MAP1B: variants seen among roughly 807,000 people sequenced by gnomAD.
MAP1B encodes microtubule associated protein 1B.
In MAP1B, 12 loss-of-function variants were observed where a neutral mutation model predicts 176.1. That is an observed-to-expected ratio of 0.07 (90% CI 0.04 to 0.11). The LOEUF is 0.11. Ranked by LOEUF, MAP1B falls within the 10% of genes least tolerant of loss-of-function variation. The pLI is 1.00. For missense variants in MAP1B, 2,523 were observed against 2,990.5 expected (o/e 0.84, Z 3.65); for synonymous variants, 1,044 against 1,135.0 (o/e 0.92, Z 1.61).
intron 2 of MAP1B, among the ~76,000 whole-genome samples, chr5:72,172,363 AG>A: frequency 6.6e-6 from 1 of 152,162 alleles, no homozygotes; most frequent in East Asian, 1.9e-4. Flanking sequence ...CAACTTTCTG[AG>A]GGATGGAAAT....
chr5:72,193,815 A>C (rs770360429), intron 4 of MAP1B, 51 bp from the exon 5 acceptor site: 2 of 1,517,892 alleles, frequency 1.3e-6, no homozygotes, highest in Non-Finnish European at 1.8e-6. Flanking sequence ...TGGATCAGTG[A>C]TGATAATCAC....
Position 72,195,516 on chromosome 5 carries a change from G to A in MAP1B, c.2161G>A (p.Val721Met), listed in dbSNP as rs1747138196. 11 of 1,502,594 alleles carry A rather than the reference G, an allele frequency of 7.3e-6. No homozygotes were observed. The highest frequency in any genetic ancestry group is 1.4e-5 in the African/African-American group (1 of 70,022). The allele number at this position is 1,502,594 out of a possible 1,614,324, so 93.1% of individuals were successfully genotyped here. ...KEVKKEEKKE[V>M]KKEEKEPKKE... ...AGTTAAGAAGGAAGAGAAGAAGGAA[G>A]TGAAAAAGGAAGAAAAGGAACCCAA... Residue 721 changes from valine (V) to methionine (M), a missense_variant, in exon 5 of 7, where the codon GTG (valine) becomes ATG (methionine). Transcript: ENST00000296755.
intron 2 of MAP1B, among the ~76,000 whole-genome samples, chr5:72,163,930 C>CTTTTTTT (rs869167918): frequency 5.7e-4 from 25 of 43,696 alleles, no homozygotes; most frequent in African/African-American, 1.4e-3. Context: ...TTTTTTTTTT[C>CTTTTTTT]TTTTTTTTTT....
intron 2 of MAP1B, among the ~76,000 whole-genome samples, chr5:72,143,849 G>A: frequency 6.6e-6 from 1 of 151,930 alleles, no homozygotes; most frequent in Non-Finnish European, 1.5e-5. Context: ...ATCATGCCCA[G>A]CTAATTTATT....
intron 2 of MAP1B, among the ~76,000 whole-genome samples, chr5:72,138,555 A>T (rs1233029819): frequency 6.6e-6 from 1 of 152,208 alleles, no homozygotes; most frequent in Non-Finnish European, 1.5e-5. Flanking sequence ...TGCACAAAAA[A>T]TGTTATGTAA....
At chr5:72,108,160 GC>G (rs1745157902) in intron 1 of MAP1B, among the ~76,000 whole-genome samples, 1 of 152,186 alleles carries the variant, frequency 6.6e-6, no homozygotes, top group Admixed American at 6.5e-5. Flanking sequence ...ATGTGCCAGG[GC>G]CCGCGTGGGA....
chr5:72,203,558 C>A lies in MAP1B; in HGVS notation c.7013-5C>A, dbSNP rs1184444743. 6.2e-7 allele frequency: 1 copy of A among 1,608,664 alleles called. No individual in the cohort carries two copies. Among genetic ancestry groups the A allele is most frequent in the Non-Finnish European group, 8.5e-7 (1 of 1,175,112 alleles). Reference sequence around the variant, plus strand: ...CCTTGCTTTGTCTTTGTTTATTTACCCAAGGACCAGGAACTACCAAGACGA... The same window carrying A: ...CCTTGCTTTGTCTTTGTTTATTTACACAAGGACCAGGAACTACCAAGACGA... On this transcript the variant is annotated splice_region_variant and splice_polypyrimidine_tract_variant and intron_variant, in intron 5 of 6. Coordinates refer to ENST00000296755, the MANE Select transcript of MAP1B (RefSeq NM_005909.5).
At position 72,194,087 on chromosome 5, in the gene MAP1B, C is replaced by A. The variant is rs774022798; in HGVS notation, c.732C>A (p.Asp244Glu). 16 of 1,614,128 alleles carry A rather than the reference C, an allele frequency of 9.9e-6. No individual in the cohort carries two copies. The highest frequency in any genetic ancestry group is 1.4e-5 in the Non-Finnish European group (16 of 1,180,050). ...SESVEVPSPF[D>E]ILEPPTSGGF... ...CAGTGGAAGTCCCATCTCCCTTTGA[C>A]ATCTTGGAACCTCCCACATCGGGTG... Residue 244 changes from aspartate to glutamate, a missense_variant, in exon 5 of 7, where the codon GAC becomes GAA. By Grantham distance (45) the Asp-to-Glu change is conservative (BLOSUM62 2). This residue lies in a region of MAP1B where 307 missense variants were observed against 438.4 expected (regional missense o/e 0.70). Transcript: ENST00000296755. This position sits in a 1 kb window ranked among gnomAD's most constrained non-coding sequence, Gnocchi z 7.2.
intron 4 of MAP1B, among the ~76,000 whole-genome samples, chr5:72,192,686 T>G (rs1747049297): frequency 1.3e-5 from 2 of 152,210 alleles, no homozygotes. Flanking sequence ...AAACCTTGGC[T>G]TTACCCCTTG....
intron 1 of MAP1B, among the ~76,000 whole-genome samples, chr5:72,111,785 ATAAC>A (rs1448419813): frequency 1.3e-5 from 2 of 152,192 alleles, no homozygotes; most frequent in Non-Finnish European, 2.9e-5. Context: ...AAAATAAGTT[ATAAC>A]TTTTTAGACA....
At chr5:72,119,460 A>C (rs1452600286) in intron 2 of MAP1B, among the ~76,000 whole-genome samples, 2 of 152,210 alleles carry the variant, frequency 1.3e-5, no homozygotes, top group Non-Finnish European at 2.9e-5. Context: ...ACTCAAAGGA[A>C]AGTTCAGTAG....
At chr5:72,160,874 G>T (rs552308893) in intron 2 of MAP1B, among the ~76,000 whole-genome samples, 5 of 152,156 alleles carry the variant, frequency 3.3e-5, no homozygotes, top group African/African-American at 1.2e-4. Context: ...TTGGTCAGGG[G>T]CCTCAAAGTG....
chr5:72,196,029 C>A lies in MAP1B; in HGVS notation c.2674C>A (p.Pro892Thr), dbSNP rs1747156462. The A allele has an allele frequency of 1.2e-6, 2 of 1,614,176 alleles. No individual in the cohort carries two copies. Among genetic ancestry groups the A allele is most frequent in the Non-Finnish European group, 1.7e-6 (2 of 1,180,030 alleles). ...REVTKGPAESPDEGITTTEGE... is the reference protein window; with the variant it reads ...REVTKGPAESTDEGITTTEGE... ...AGTCACCAAAGGTCCTGCCGAGTCC[C>A]CTGATGAGGGAATCACTACCACTGA... is the stretch of plus-strand genomic sequence containing the variant. Residue 892 changes from proline (P) to threonine (T), a missense_variant, in exon 5 of 7, where the codon CCT becomes ACT. Transcript: ENST00000296755. The surrounding 1 kb of genome is among the most constrained non-coding windows in gnomAD (Gnocchi z 5.3).
rs912740003 is a variant in MAP1B at position 72,193,862 on chromosome 5, C to G, written c.511-4C>G. 1.9e-6 allele frequency: 3 copies of G among 1,567,542 alleles called. No homozygotes were observed. The highest frequency in any genetic ancestry group is 2.6e-6 in the Non-Finnish European group (3 of 1,162,610). On this transcript the variant is annotated splice_polypyrimidine_tract_variant and splice_region_variant and intron_variant, in intron 4 of 6. Coordinates refer to ENST00000296755, the MANE Select transcript of MAP1B (RefSeq NM_005909.5). ...CTTTCTTTCTTTCTTTCTTTAAAAC[C>G]CAGATCGGGGAGTTACTAAGCACCA...
chr5:72,142,147 G>A (rs1489893556), intron 2 of MAP1B, among the ~76,000 whole-genome samples: 3 of 152,226 alleles, frequency 2.0e-5, no homozygotes, highest in Non-Finnish European at 4.4e-5. Flanking sequence ...CCCCATCTGG[G>A]CTTGGTGCCC....
In MAP1B at chr5:72,107,706, A is replaced by G. The variant is rs138855050; in HGVS notation, c.175A>G (p.Ile59Val). The stretch of plus-strand genomic sequence containing the variant: ...GCACCTGCGGCGTGCCATCGGCAAC[A>G]TCGAGCTCGGTAAGTGGCCCCGCGC... The part of the protein sequence containing the change: ...EEHLRRAIGN[I>V]ELGIRSWDTN... Residue 59 changes from isoleucine to valine, a missense_variant, in exon 1 of 7, where the codon ATC becomes GTC. Physicochemically the swap from Ile to Val is conservative, Grantham distance 29. Transcript: ENST00000296755. 4.1e-4 allele frequency: 654 copies of G among 1,599,188 alleles called. No individual in the cohort carries two copies. The highest frequency in any genetic ancestry group is 5.4e-4 in the Non-Finnish European group (637 of 1,179,536).
intron 1 of MAP1B, among the ~76,000 whole-genome samples, chr5:72,111,721 TC>T (rs1745345849): frequency 6.6e-6 from 1 of 152,156 alleles, no homozygotes; most frequent in Non-Finnish European, 1.5e-5. Context: ...CACAAGGCAG[TC>T]CCCAAATTTA....
intron 2 of MAP1B, among the ~76,000 whole-genome samples, chr5:72,166,683 G>C (rs553562884): frequency 6.6e-5 from 10 of 152,294 alleles, no homozygotes; most frequent in Middle Eastern, 6.8e-3. Flanking sequence ...ACAGTGAAGC[G>C]TCTTGTCTTT....
Position 72,195,719 on chromosome 5 carries a change from A to C in MAP1B, c.2364A>C (p.Glu788Asp). 3.1e-6 allele frequency: 5 copies of C among 1,614,244 alleles called. No homozygotes were observed. Among genetic ancestry groups the C allele is most frequent in the Non-Finnish European group, 4.2e-6 (5 of 1,180,034 alleles). Residue 788 changes from glutamate (E) to aspartate (D), a missense_variant, in exon 5 of 7, where the codon GAA (glutamate) becomes GAC (aspartate). Around this residue, in one of 4 missense-constraint regions of MAP1B, gnomAD observed 1,925 missense variants for 2,126.0 expected, o/e 0.91. Coordinates refer to ENST00000296755, the MANE Select transcript of MAP1B (RefSeq NM_005909.5). ...EKGKIKVIKK[E>D]GKAAEAVAAA... ...GGAAAATAAAAGTCATTAAGAAGGA[A>C]GGCAAGGCCGCAGAGGCTGTCGCTG...
Sources: gnomAD v4.1 joint callset for allele counts (sites outside exome capture counted in the v4.1 genomes callset) on GRCh38, gnomAD v4.1.1 for gene constraint, gnomAD v4.1.1 regional missense constraint, Gnocchi (gnomAD v3.1) non-coding constraint, MANE v1.5 for transcripts, NCBI Gene and HGNC (gene_info 2026-07-23, HGNC 2026-07-21) for gene names.